SLC7A6: variants seen among roughly 807,000 people sequenced by gnomAD.
SLC7A6 encodes solute carrier family 7 member 6.
SLC7A6 carries 29 observed loss-of-function variants against 46.6 expected under a neutral mutation model. The observed-to-expected ratio is 0.62, with a 90% CI of 0.46 to 0.85. The LOEUF is 0.85. SLC7A6 is among the 40% of genes least tolerant of loss of function. The pLI, the probability that SLC7A6 is intolerant of heterozygous loss-of-function variation, is 0.00. For synonymous variants in SLC7A6, 276 were observed against 257.3 expected (o/e 1.07, Z -0.70); for missense variants, 527 against 647.6 (o/e 0.81, Z 2.02).
In SLC7A6 at chr16:68,290,338, C is replaced by T. The variant is rs935609436; in HGVS notation, c.650-58C>T. 8 of 1,590,806 alleles carry T rather than the reference C, an allele frequency of 5.0e-6. No homozygotes were observed. In the African/African-American group the frequency reaches 5.4e-5, roughly 11 times the overall value. ...CTCTTACACCTCCCATCTCCTCTTC[C>T]TTTCTCCTTTGGCCTGTTCCTTCTC... On this transcript the variant is annotated intron_variant, in intron 4 of 10. Transcript: ENST00000219343.
intron 3 of SLC7A6, among the ~76,000 whole-genome samples, chr16:68,280,575 C>T (rs368035535): frequency 6.8e-6 from 1 of 146,670 alleles, no homozygotes; most frequent in African/African-American, 2.6e-5. Context: ...TTTCAGTAGT[C>T]GTAGCTTCTT....
intron 4 of SLC7A6, 63 bp downstream of exon 4, chr16:68,287,934 G>A (rs1418917281): frequency 8.8e-6 from 14 of 1,586,212 alleles, no homozygotes; most frequent in East Asian, 2.2e-5. Context: ...AGAACATGGC[G>A]ACTCTGTTAG....
intron 3 of SLC7A6, among the ~76,000 whole-genome samples, chr16:68,284,936 A>G (rs1044022200): frequency 2.2e-5 from 3 of 137,474 alleles, no homozygotes; most frequent in African/African-American, 5.7e-5. Flanking sequence ...CACAGATGCT[A>G]TTACAGTGCA....
intron 2 of SLC7A6, among the ~76,000 whole-genome samples, chr16:68,273,613 T>C (rs1453924610): frequency 1.3e-5 from 2 of 152,136 alleles, no homozygotes; most frequent in African/African-American, 4.8e-5. Flanking sequence ...CAGTGGCAAA[T>C]TAGCCCTGGG....
intron 3 of SLC7A6, among the ~76,000 whole-genome samples, chr16:68,282,298 G>A (rs1449822074): frequency 6.6e-6 from 1 of 152,048 alleles, no homozygotes; most frequent in Non-Finnish European, 1.5e-5. Context: ...GCCAGGCTCA[G>A]TGGCTCATGC....
intron 3 of SLC7A6, among the ~76,000 whole-genome samples, chr16:68,283,454 A>G (rs1263800835): frequency 6.6e-6 from 1 of 152,244 alleles, no homozygotes; most frequent in East Asian, 1.9e-4. Context: ...GAGGTCTTAT[A>G]TGAAATATTT....
At chr16:68,269,924 T>A (rs748960232) in intron 2 of SLC7A6, among the ~76,000 whole-genome samples, 4 of 152,136 alleles carry the variant, frequency 2.6e-5, no homozygotes, top group Non-Finnish European at 5.9e-5. Flanking sequence ...TGTGCCATCA[T>A]GCCTGGCTAC....
At chr16:68,265,799 T>C (rs2042521485) in intron 1 of SLC7A6, 1 of 152,168 alleles carries the variant, frequency 6.6e-6, no homozygotes, top group South Asian at 2.1e-4. Flanking sequence ...CCAGCCTGAT[T>C]TTCTCCTCTC....
intron 4 of SLC7A6, among the ~76,000 whole-genome samples, chr16:68,289,803 T>C (rs2043010970): frequency 6.6e-6 from 1 of 152,092 alleles, no homozygotes; most frequent in Admixed American, 6.6e-5. Context: ...AGTTCCTCTA[T>C]AGCATGTCAT....
chr16:68,272,302 C>T (rs2042636399), intron 2 of SLC7A6, among the ~76,000 whole-genome samples: 1 of 152,128 alleles, frequency 6.6e-6, no homozygotes, highest in South Asian at 2.1e-4. Context: ...TGGTGGCAAG[C>T]ACCTTTAGTC....
At chr16:68,295,698 T>G (rs995499704) in intron 8 of SLC7A6, among the ~76,000 whole-genome samples, 1 of 152,258 alleles carries the variant, frequency 6.6e-6, no homozygotes, top group Non-Finnish European at 1.5e-5. Flanking sequence ...TTAAACACAT[T>G]TGACCTTGTC....
rs549505280 is a variant in SLC7A6, at chr16:68,264,934, G to A, written c.-166+358G>A. On this transcript the variant is annotated intron_variant, in intron 1 of 10. Transcript: ENST00000219343. This position sits in a 1 kb window ranked among gnomAD's most constrained non-coding sequence, Gnocchi z 5.8. ...AGAGGGAAACCCCAGGTGCGAGGGT[G>A]ACCGGGACGCTGAGTGCGCGGGCCG... is the stretch of plus-strand genomic sequence containing the variant. Among the ~76,000 whole-genome samples the A allele has an allele frequency of 2.0e-5, 3 of 152,206 alleles. No homozygotes were observed. The highest frequency in any genetic ancestry group is 1.3e-4 in the Admixed American group (2 of 15,298).
chr16:68,285,881 C>T (rs2042920159), intron 3 of SLC7A6, among the ~76,000 whole-genome samples: 1 of 151,756 alleles, frequency 6.6e-6, no homozygotes. Context: ...TGCTTGAGCC[C>T]AGGAGTTCCA....
rs763650936 is a variant in SLC7A6, at chr16:68,275,257, G to A, written c.523+8G>A. The A allele has an allele frequency of 2.1e-5, 34 of 1,609,360 alleles. 1 individual carries two copies. The South Asian group carries it at 3.0e-4, about 14-fold the overall frequency. On this transcript the variant is annotated splice_region_variant and intron_variant, in intron 3 of 10. Transcript: ENST00000219343. ...TGGCTGCTGCTTGCATATGTAAGTG[G>A]GGGCTGAGATTGGGAGGATGTTGGG...
Position 68,296,774 on chromosome 16 carries a change from G to C in SLC7A6, c.1417G>C (p.Glu473Gln), listed in dbSNP as rs1450617535. 1 of 1,614,190 alleles carries C rather than the reference G, an allele frequency of 6.2e-7. No homozygotes were observed. Among genetic ancestry groups the C allele is most frequent in the Admixed American group, 1.7e-5 (1 of 60,012 alleles). The change falls in exon 10 of 11, where the codon GAG becomes CAG. Residue 473 changes from glutamate to glutamine, a missense_variant. Physicochemically the swap from Glu to Gln is conservative, Grantham distance 29 (BLOSUM62 2). Transcript: ENST00000219343. Reference protein sequence around the residue: ...PFYFMGVYLPESRRPLFIRNV... With the variant: ...PFYFMGVYLPQSRRPLFIRNV... The stretch of plus-strand genomic sequence containing the variant: ...CTACTTCATGGGTGTTTACCTGCCA[G>C]AGTCCCGGAGGCCATTGTTTATTCG...
chr16:68,280,810 C>T (rs1264938965), intron 3 of SLC7A6, among the ~76,000 whole-genome samples: 2 of 151,982 alleles, frequency 1.3e-5, no homozygotes, highest in Non-Finnish European at 2.9e-5. Flanking sequence ...TCTCGGCTCA[C>T]TGCAAGCTCC....
intron 3 of SLC7A6, chr16:68,287,434 G>C: frequency 7.6e-7 from 1 of 1,324,078 alleles, no homozygotes; most frequent in Non-Finnish European, 9.9e-7. Flanking sequence ...GGGTGGGAAA[G>C]AGTAGGTGAA....
rs2043275359 is a variant in SLC7A6, at chr16:68,301,505, T to TTTTGTTCCCG, written c.*4177_*4178insTTTGTTCCCG. On this transcript the variant is annotated 3_prime_UTR_variant, in exon 11 of 11. Transcript: ENST00000219343. The stretch of plus-strand genomic sequence containing the variant: ...AAAGGTCTGTTTTTGTTCCCGATTG[T>TTTTGTTCCCG]AATGCAAAATCCTTGCTCAATAAAT... 1 of 935,120 alleles carries TTTTGTTCCCG rather than the reference T, an allele frequency of 1.1e-6. No individual in the cohort carries two copies. The highest frequency in any genetic ancestry group is 1.6e-6 in the Non-Finnish European group (1 of 633,246). The allele number at this position is 935,120 out of a possible 1,614,324, so 57.9% of individuals were successfully genotyped here. A position where few individuals can be genotyped will look rare whatever the true frequency, so the allele number is the denominator to read the frequency against.
chr16:68,279,288 G>T (rs1156874479), intron 3 of SLC7A6, among the ~76,000 whole-genome samples: 2 of 152,170 alleles, frequency 1.3e-5, no homozygotes, highest in African/African-American at 2.4e-5. Context: ...GTTGCAGTGA[G>T]CTATGATCAT....
Sources: allele counts gnomAD v4.1 joint callset (sites outside exome capture counted in the v4.1 genomes callset), GRCh38; gene constraint gnomAD v4.1.1; non-coding constraint Gnocchi (gnomAD v3.1); transcripts MANE v1.5; gene names NCBI Gene and HGNC (gene_info 2026-07-23, HGNC 2026-07-21).